Variants in COG5 observed in about 807,000 individuals in gnomAD.
COG5 encodes component of oligomeric golgi complex 5, also known as conserved oligomeric Golgi complex subunit 5.
COG5 carries 86 observed loss-of-function variants against 110.4 expected under a neutral mutation model. The observed-to-expected ratio is 0.78, with a 90% CI of 0.65 to 0.93. COG5 has a LOEUF of 0.93. Among genes scored for constraint, COG5 ranks in the 40% least tolerant of loss-of-function variants. COG5 has a pLI of 0.00. For missense variants in COG5, 1,077 were observed against 987.0 expected, an observed-to-expected ratio of 1.09 and a Z score of -1.22; for synonymous variants, 360 against 334.6, an observed-to-expected ratio of 1.08 and a Z score of -0.83.
intron 12 of COG5, among the ~76,000 whole-genome samples, chr7:107,285,219 G>T (rs1314315769): frequency 6.6e-6 from 1 of 152,130 alleles, no homozygotes; most frequent in Non-Finnish European, 1.5e-5. Context: ...AATAGATGAA[G>T]ATACCAAGAC....
At position 107,487,723 on chromosome 7, in the gene COG5, T is replaced by TAA. The variant is rs34602094; in HGVS notation, c.538+39512_538+39513dup. 7.6e-5 allele frequency among the ~76,000 whole-genome samples: 11 copies of TAA among 144,034 alleles called. 3 individuals are homozygous for TAA. The highest frequency in any genetic ancestry group is 2.5e-4 in the African/African-American group (10 of 39,512). The allele number at this position is 144,034 out of a possible 152,430, so 94.5% of individuals were successfully genotyped here. On this transcript the variant is annotated intron_variant, in intron 6 of 21. Coordinates refer to ENST00000297135, the MANE Select transcript of COG5 (RefSeq NM_006348.5). ...ATGATCAAAACAGTGTCTATACCAGTAAAAAAAAAAAGTATGACTAAAATA... is the reference window on the plus strand; with the variant it reads ...ATGATCAAAACAGTGTCTATACCAGTAAAAAAAAAAAAAGTATGACTAAAATA...
chr7:107,407,375 T>C (rs1394724516), intron 7 of COG5, among the ~76,000 whole-genome samples: 1 of 151,820 alleles, frequency 6.6e-6, no homozygotes, highest in Non-Finnish European at 1.5e-5. Context: ...AGCGCAAAAC[T>C]CCATCTCAAA....
chr7:107,205,625 C>G (rs138773564), intron 21 of COG5, among the ~76,000 whole-genome samples: 5 of 152,338 alleles, frequency 3.3e-5, no homozygotes, highest in African/African-American at 4.8e-5. Flanking sequence ...GAGCCACATT[C>G]TCTTAGCCCT....
intron 12 of COG5, among the ~76,000 whole-genome samples, chr7:107,291,253 T>G (rs1188654889): frequency 6.6e-6 from 1 of 152,166 alleles, no homozygotes; most frequent in Non-Finnish European, 1.5e-5. Context: ...TTCATTCTTT[T>G]CTTTCTGTTT....
intron 14 of COG5, among the ~76,000 whole-genome samples, chr7:107,275,351 T>C (rs1029844876): frequency 6.6e-6 from 1 of 151,690 alleles, no homozygotes; most frequent in Admixed American, 6.6e-5. Context: ...TGTGTTTGTA[T>C]CACAGAGAAA....
At chr7:107,549,558 A>ATT (rs764100280) in intron 3 of COG5, among the ~76,000 whole-genome samples, 80 of 137,710 alleles carry the variant, frequency 5.8e-4, no homozygotes, top group African/African-American at 2.0e-3. Context: ...CGCCCAGCTA[A>ATT]TTTTTTTTTT....
chr7:107,340,070 T>C (rs948563694), intron 10 of COG5, among the ~76,000 whole-genome samples: 1 of 151,366 alleles, frequency 6.6e-6, no homozygotes, highest in Non-Finnish European at 1.5e-5. Flanking sequence ...AGACAAAGAA[T>C]TAATAAAACC....
intron 13 of COG5, among the ~76,000 whole-genome samples, chr7:107,282,557 T>C (rs1177901375): frequency 2.6e-5 from 4 of 152,312 alleles, no homozygotes; most frequent in African/African-American, 7.2e-5. Context: ...GGTTTCGCTC[T>C]GTCAGCCAGG....
At chr7:107,424,018 A>G (rs150440984) in intron 6 of COG5, among the ~76,000 whole-genome samples, 1 of 152,172 alleles carries the variant, frequency 6.6e-6, no homozygotes, top group East Asian at 1.9e-4. Context: ...CACATCCATA[A>G]TCCTGACACT....
chr7:107,396,369 A>G (rs73724069), intron 7 of COG5, among the ~76,000 whole-genome samples: 2,008 of 152,262 alleles, frequency 0.013, 51 homozygotes, highest in African/African-American at 0.045. Context: ...ACCTGTTAAC[A>G]ATCAACAGTC....
Position 107,474,509 on chromosome 7 carries a change from G to A in COG5, c.538+52728C>T. 1.9e-6 allele frequency: 3 copies of A among 1,612,864 alleles called. No homozygotes were observed. The highest frequency in any genetic ancestry group is 2.5e-6 in the Non-Finnish European group (3 of 1,179,228). On this transcript the variant is annotated intron_variant, in intron 6 of 21. Coordinates refer to ENST00000297135, the MANE Select transcript of COG5 (RefSeq NM_006348.5). The surrounding 1 kb of genome is among the most constrained non-coding windows in gnomAD (Gnocchi z 5.7). Reference sequence around the variant, plus strand: ...GACATCTCTGTAAAACCTGCAAACCGAATTCTGACAATGGGCAGAGCTGTA... The same window carrying A: ...GACATCTCTGTAAAACCTGCAAACCAAATTCTGACAATGGGCAGAGCTGTA...
At chr7:107,389,098 C>T (rs1790431394) in intron 7 of COG5, among the ~76,000 whole-genome samples, 1 of 152,214 alleles carries the variant, frequency 6.6e-6, no homozygotes, top group Non-Finnish European at 1.5e-5. Context: ...ACCTGCTACA[C>T]TCTATTGGGC....
chr7:107,220,642 A>C (rs1799846186), intron 19 of COG5, among the ~76,000 whole-genome samples: 1 of 152,156 alleles, frequency 6.6e-6, no homozygotes. Flanking sequence ...AATCCAGCCC[A>C]TGATTCTAAC....
At chr7:107,457,890 T>C (rs1482256161) in intron 6 of COG5, among the ~76,000 whole-genome samples, 1 of 151,950 alleles carries the variant, frequency 6.6e-6, no homozygotes, top group African/African-American at 2.4e-5. Flanking sequence ...TCCATGAATA[T>C]CAGTGAACCC....
chr7:107,204,996 T>G (rs1798654563), intron 21 of COG5, among the ~76,000 whole-genome samples: 1 of 152,328 alleles, frequency 6.6e-6, no homozygotes, highest in South Asian at 2.1e-4. Context: ...TCCTATTAAT[T>G]TGCTACACAC....
intron 7 of COG5, among the ~76,000 whole-genome samples, chr7:107,393,151 A>AT (rs1487692013): frequency 6.6e-6 from 1 of 152,230 alleles, no homozygotes; most frequent in Non-Finnish European, 1.5e-5. Flanking sequence ...TTCTCACTGC[A>AT]TAAGAAATAT....
chr7:107,509,748 A>G (rs866266276), intron 6 of COG5, among the ~76,000 whole-genome samples: 34 of 152,352 alleles, frequency 2.2e-4, no homozygotes, highest in African/African-American at 7.7e-4. Flanking sequence ...AATATTCAAC[A>G]TTCTTAAAGA....
At chr7:107,488,228 G>C (rs895473446) in intron 6 of COG5, among the ~76,000 whole-genome samples, 1 of 151,500 alleles carries the variant, frequency 6.6e-6, no homozygotes, top group African/African-American at 2.4e-5. Flanking sequence ...GTTACATTTT[G>C]GGTCCATACT....
At chr7:107,366,012 A>C (rs958484004) in intron 8 of COG5, among the ~76,000 whole-genome samples, 1 of 152,224 alleles carries the variant, frequency 6.6e-6, no homozygotes. Flanking sequence ...CTTAACATAG[A>C]CACTGGGGAG....
Sources: gnomAD v4.1 joint callset for allele counts (sites outside exome capture counted in the v4.1 genomes callset) on GRCh38, gnomAD v4.1.1 for gene constraint, Gnocchi (gnomAD v3.1) non-coding constraint, MANE v1.5 for transcripts, NCBI Gene and HGNC (gene_info 2026-07-23, HGNC 2026-07-21) for gene names.